The following ATR variants were observed in gnomAD, a reference collection of about 807,000 sequenced individuals.
ATR encodes the protein ATR checkpoint kinase.
A neutral mutation model predicts 305.3 loss-of-function variants in ATR; 142 were observed. The ratio of observed to expected loss-of-function variants is 0.47; its 90% CI spans 0.41 to 0.53. The LOEUF is 0.53. Ranked by LOEUF, ATR falls within the 20% of genes least tolerant of loss-of-function variation. The pLI is 0.00. For synonymous variants in ATR, 1,050 were observed against 1,068.1 expected (o/e 0.98, Z 0.33); for missense variants, 2,135 against 3,133.1 (o/e 0.68, Z 7.60).
chr3:142,489,320 C>T (rs150027695), intron 35 of ATR, among the ~76,000 whole-genome samples: 242 of 152,108 alleles, frequency 1.6e-3, no homozygotes, highest in African/African-American at 5.7e-3. Context: ...GGTTGACAGA[C>T]CAAGACCCTG....
chr3:142,522,903 C>T (rs1018038610), intron 22 of ATR, 62 bp from the exon 23 acceptor site: 3 of 1,233,268 alleles, frequency 2.4e-6, no homozygotes, highest in Non-Finnish European at 3.6e-6. Context: ...CTTAGGTGTA[C>T]TGCTTTTTCC....
intron 46 of ATR, chr3:142,450,728 G>C: frequency 6.4e-7 from 1 of 1,558,002 alleles, no homozygotes; most frequent in Admixed American, 1.8e-5. Flanking sequence ...GAACTACGGG[G>C]AATGAAGGTG....
At chr3:142,556,220 G>C (rs2108472460) in intron 9 of ATR, 81 bp from the exon 10 acceptor site, 1 of 1,547,990 alleles carries the variant, frequency 6.5e-7, no homozygotes, top group Non-Finnish European at 8.8e-7. Flanking sequence ...TGGGACAAAA[G>C]TACTGGTAAA....
At chr3:142,453,268 T>C in intron 45 of ATR, 35 bp from the exon 46 acceptor site, 4 of 1,599,540 alleles carry the variant, frequency 2.5e-6, no homozygotes, top group South Asian at 1.1e-5. Context: ...TATGATGTTA[T>C]CTTTGCAAGA....
chr3:142,519,938 GTC>G (rs1264720286), intron 23 of ATR, among the ~76,000 whole-genome samples, 154 bp from the exon 24 acceptor site: 3 of 151,786 alleles, frequency 2.0e-5, no homozygotes, highest in Admixed American at 1.3e-4. Flanking sequence ...TGTTTTTTTT[GTC>G]TGTTTGTTTT....
At chr3:142,521,088 T>C (rs968964698) in intron 23 of ATR, among the ~76,000 whole-genome samples, 5 of 152,180 alleles carry the variant, frequency 3.3e-5, no homozygotes, top group Non-Finnish European at 5.9e-5. Flanking sequence ...GCGTCTACTA[T>C]ATACCCATAA....
intron 36 of ATR, among the ~76,000 whole-genome samples, chr3:142,470,959 C>T (rs2071249432): frequency 6.6e-6 from 1 of 152,164 alleles, no homozygotes; most frequent in Non-Finnish European, 1.5e-5. Context: ...TTTGCCATCA[C>T]AACCATTTTT....
chr3:142,527,294 G>A (rs1401524051), intron 21 of ATR, among the ~76,000 whole-genome samples: 2 of 151,786 alleles, frequency 1.3e-5, no homozygotes, highest in African/African-American at 4.8e-5. Context: ...ACACCACTGA[G>A]ACTATTTAGT....
chr3:142,519,844 G>C, intron 23 of ATR, 60 bp from the exon 24 acceptor site: 1 of 1,198,932 alleles, frequency 8.3e-7, no homozygotes, highest in Non-Finnish European at 1.2e-6. Flanking sequence ...CTTTATATTC[G>C]TCAATGTTCT....
intron 23 of ATR, among the ~76,000 whole-genome samples, chr3:142,521,844 G>A (rs2033161120): frequency 6.6e-6 from 1 of 152,214 alleles, no homozygotes; most frequent in African/African-American, 2.4e-5. Context: ...CACTCAAAAT[G>A]CTGTGAACAC....
rs2032627202 is a variant in ATR at position 142,512,445 on chromosome 3, A to C, written c.4667T>G (p.Leu1556Arg). 6.2e-7 allele frequency: 1 copy of C among 1,612,370 alleles called. No homozygotes were observed. The highest frequency in any genetic ancestry group is 1.3e-5 in the African/African-American group (1 of 74,886). Residue 1556 changes from leucine (L) to arginine (R), a missense_variant, in exon 27 of 47, where the codon CTA becomes CGA. Coordinates refer to ENST00000350721, the MANE Select transcript of ATR (RefSeq NM_001184.4). ...TATGGTATGCTGATCGTCATGCTTT[A>C]GAACTGCCATAATTTCTGCATAAAC... ...QEVYAEIMAVLKHDDQHTINT... is the reference protein window; with the variant it reads ...QEVYAEIMAVRKHDDQHTINT...
intron 13 of ATR, among the ~76,000 whole-genome samples, chr3:142,551,369 T>A (rs1037998958): frequency 1.3e-5 from 2 of 152,194 alleles, no homozygotes; most frequent in Non-Finnish European, 2.9e-5. Flanking sequence ...GAGGTTTCAG[T>A]GAGTTATGAT....
intron 21 of ATR, among the ~76,000 whole-genome samples, chr3:142,526,578 T>C (rs1482104173): frequency 6.6e-6 from 1 of 152,024 alleles, no homozygotes; most frequent in Non-Finnish European, 1.5e-5. Flanking sequence ...TACATTAAGA[T>C]AATATTCATC....
chr3:142,543,925 C>T (rs962576963), intron 16 of ATR, among the ~76,000 whole-genome samples: 8 of 152,048 alleles, frequency 5.3e-5, no homozygotes, highest in Non-Finnish European at 1.2e-4. Context: ...CCTGCTTTGG[C>T]CTCTCAGAGT....
intron 4 of ATR, 65 bp downstream of exon 4, chr3:142,562,167 C>T: frequency 6.6e-7 from 1 of 1,516,238 alleles, no homozygotes; most frequent in Non-Finnish European, 9.1e-7. Flanking sequence ...ACATTTTGCA[C>T]ATATGTATAC....
rs548035841 is a variant in ATR, at chr3:142,476,403, T to C, written c.6222-6220A>G. 1.8e-4 allele frequency among the ~76,000 whole-genome samples: 27 copies of C among 152,302 alleles called. No homozygotes were observed. The South Asian group carries it at 5.0e-3, about 28-fold the overall frequency. On this transcript the variant is annotated intron_variant, in intron 36 of 46. Transcript: ENST00000350721. ...AGGGTGGTCGAAGATCAGATAGTTGTAGATGTGTGGCATTATTTCTGAGGG... is the reference window on the plus strand; with the variant it reads ...AGGGTGGTCGAAGATCAGATAGTTGCAGATGTGTGGCATTATTTCTGAGGG...
intron 21 of ATR, among the ~76,000 whole-genome samples, chr3:142,530,471 C>T (rs2033593822): frequency 6.6e-6 from 1 of 152,128 alleles, no homozygotes. Flanking sequence ...ACCTTGCATA[C>T]ATATATTTTT....
At chr3:142,485,764 T>C (rs912013257) in intron 35 of ATR, among the ~76,000 whole-genome samples, 2 of 152,214 alleles carry the variant, frequency 1.3e-5, no homozygotes, top group African/African-American at 4.8e-5. Flanking sequence ...TATTTTGTTT[T>C]TCTCCAAGAT....
At position 142,485,156 on chromosome 3, in the gene ATR, C is replaced by T. The variant is rs140633834; in HGVS notation, c.6205G>A (p.Val2069Ile). Residue 2069 changes from valine (V) to isoleucine (I), a missense_variant, in exon 36 of 47, where the codon GTT (valine) becomes ATT (isoleucine). Physicochemically the swap from Val to Ile is conservative, Grantham distance 29 (BLOSUM62 3). Coordinates refer to ENST00000350721, the MANE Select transcript of ATR (RefSeq NM_001184.4). ...EKQGDLIRYI[V>I]LHFGRSLQYG... The stretch of plus-strand genomic sequence containing the variant: ...CATACTCACCTGCCAAAATGAAGAA[C>T]TATATACCGGATGAGATCACCTTGC... 1.1e-4 allele frequency: 180 copies of T among 1,614,012 alleles called. No individual in the cohort carries two copies. Among genetic ancestry groups the T allele is most frequent in the Non-Finnish European group, 1.4e-4 (168 of 1,180,012 alleles).
Sources: gnomAD v4.1 joint callset for allele counts (sites outside exome capture counted in the v4.1 genomes callset) on GRCh38, gnomAD v4.1.1 for gene constraint, MANE v1.5 for transcripts, NCBI Gene and HGNC (gene_info 2026-07-23, HGNC 2026-07-21) for gene names.